TRIM2: variants seen among roughly 807,000 people sequenced by gnomAD.
TRIM2 encodes tripartite motif-containing protein 2.
In TRIM2, 20 loss-of-function variants were observed where a neutral mutation model predicts 75.2. The ratio of observed to expected loss-of-function variants is 0.27; its 90% confidence interval spans 0.19 to 0.39. The LOEUF is 0.39. Among genes scored for constraint, TRIM2 ranks in the 10% least tolerant of loss-of-function variants. The probability of loss-of-function intolerance (pLI) is 1.00; values close to 1 mark genes in which losing one functional copy is unlikely to be tolerated. For missense variants in TRIM2, 660 were observed against 990.8 expected, an observed-to-expected ratio of 0.67 and a Z score of 4.48; for synonymous variants, 373 against 388.3, an observed-to-expected ratio of 0.96 and a Z score of 0.46.
intron 1 of TRIM2, among the ~76,000 whole-genome samples, chr4:153,166,280 ACTT>A (rs140582593): frequency 5.9e-5 from 9 of 151,794 alleles, no homozygotes; most frequent in East Asian, 3.9e-4. Flanking sequence ...TTTGTTTCAG[ACTT>A]CTTATTTTCA....
chr4:153,241,097 AAAC>A (rs1244224261), intron 1 of TRIM2, among the ~76,000 whole-genome samples: 1 of 152,140 alleles, frequency 6.6e-6, no homozygotes, highest in Admixed American at 6.5e-5. Flanking sequence ...ACAAACAAAA[AAAC>A]CTTTTCCTGT....
intron 1 of TRIM2, among the ~76,000 whole-genome samples, chr4:153,251,315 A>G (rs1156591519): frequency 6.6e-6 from 1 of 152,160 alleles, no homozygotes; most frequent in Non-Finnish European, 1.5e-5. Context: ...AACTGACTAC[A>G]GAGAGTCTGG....
chr4:153,169,069 A>G (rs1730586588), intron 1 of TRIM2, among the ~76,000 whole-genome samples: 1 of 149,206 alleles, frequency 6.7e-6, no homozygotes. Flanking sequence ...ACAGAGCGAG[A>G]CTTATCTCAA....
At chr4:153,280,330 C>T (rs1417580027) in intron 3 of TRIM2, among the ~76,000 whole-genome samples, 1 of 150,074 alleles carries the variant, frequency 6.7e-6, no homozygotes, top group East Asian at 1.9e-4. Flanking sequence ...TCATTAGTAG[C>T]TTAATTAATG....
At chr4:153,281,102 T>C (rs1179661445) in intron 3 of TRIM2, among the ~76,000 whole-genome samples, 1 of 152,220 alleles carries the variant, frequency 6.6e-6, no homozygotes, top group African/African-American at 2.4e-5. Flanking sequence ...AAAAATCATT[T>C]ATGGAAAAAT....
At chr4:153,253,315 G>A (rs1031321697) in intron 1 of TRIM2, among the ~76,000 whole-genome samples, 22 of 152,060 alleles carry the variant, frequency 1.4e-4, no homozygotes, top group Admixed American at 6.6e-4. Flanking sequence ...TACTTTTAAC[G>A]TACTCTCCCA....
chr4:153,307,468 TA>T (rs1661823015), intron 6 of TRIM2, among the ~76,000 whole-genome samples: 1 of 152,196 alleles, frequency 6.6e-6, no homozygotes, highest in African/African-American at 2.4e-5. Context: ...TACTTGTTTC[TA>T]AAGTACAAAT....
intron 1 of TRIM2, among the ~76,000 whole-genome samples, chr4:153,183,619 G>T (rs780258289): frequency 6.6e-5 from 10 of 152,176 alleles, no homozygotes; most frequent in Non-Finnish European, 1.0e-4. Context: ...GCATGGTTGT[G>T]CAGGGATGAG....
chr4:153,237,275 ATTG>A (rs1745278527), intron 1 of TRIM2, among the ~76,000 whole-genome samples: 1 of 152,168 alleles, frequency 6.6e-6, no homozygotes. Context: ...TTATAACCAC[ATTG>A]TTGTAGGCAT....
chr4:153,316,895 T>G (rs1045160823), intron 8 of TRIM2, among the ~76,000 whole-genome samples: 2 of 141,210 alleles, frequency 1.4e-5, no homozygotes, highest in African/African-American at 5.4e-5. Context: ...TTTTTTTTTT[T>G]TTTGAGACGG....
intron 1 of TRIM2, among the ~76,000 whole-genome samples, chr4:153,259,597 C>T (rs1752911295): frequency 6.6e-6 from 1 of 152,174 alleles, no homozygotes; most frequent in Admixed American, 6.5e-5. Context: ...AAAAATATGA[C>T]TTCAATTACT....
Position 153,295,917 on chromosome 4 carries a change from G to A in TRIM2, c.1391G>A (p.Arg464His), listed in dbSNP as rs1235210272. ...VSPTTEGVKR[R>H]VKSPGSGHVK... ...CCCACCACAGAAGGCGTGAAGAGGC[G>A]CGTTAAGTCCCCGGGGAGCGGCCAC... Residue 464 changes from arginine to histidine, a missense_variant, in exon 6 of 12, where the codon CGC becomes CAC. Arg to His is a conservative substitution (Grantham distance 29). This residue lies in a region of TRIM2 where 620 missense variants were observed against 891.0 expected (regional missense o/e 0.70). Transcript: ENST00000338700. This position sits in a 1 kb window ranked among gnomAD's most constrained non-coding sequence, Gnocchi z 7.2. 1.1e-5 allele frequency: 17 copies of A among 1,609,280 alleles called. No homozygotes were observed. The highest frequency in any genetic ancestry group is 1.7e-5 in the Admixed American group (1 of 59,320).
chr4:153,170,358 G>A (rs1394331071), intron 1 of TRIM2, among the ~76,000 whole-genome samples: 3 of 152,080 alleles, frequency 2.0e-5, no homozygotes, highest in Non-Finnish European at 4.4e-5. Flanking sequence ...TAATTGTCTG[G>A]TATCCCTTGA....
At position 153,162,969 on chromosome 4, in the gene TRIM2, C is replaced by A. The variant is rs575729316; in HGVS notation, c.-49+9699C>A. ...AACTGAGGGTGAAAAGGGTGTCTTTCTAAGAGGTAAGATTTTTTGGAAGTG... is the reference window on the plus strand; with the variant it reads ...AACTGAGGGTGAAAAGGGTGTCTTTATAAGAGGTAAGATTTTTTGGAAGTG... On this transcript the variant is annotated intron_variant, in intron 1 of 11. Coordinates refer to the TRIM2 transcript ENST00000437508. 9.2e-5 allele frequency among the ~76,000 whole-genome samples: 14 copies of A among 152,250 alleles called. No individual in the cohort carries two copies. In the East Asian group the frequency reaches 2.7e-3, roughly 29 times the overall value.
At chr4:153,221,991 A>G (rs951773704) in intron 1 of TRIM2, among the ~76,000 whole-genome samples, 4,241 of 44,428 alleles carry the variant, frequency 0.095, 70 homozygotes, top group South Asian at 0.2. Context: ...AGGAAGGGAG[A>G]GAGGAAGGAA....
chr4:153,247,717 T>G (rs1749652568), intron 1 of TRIM2, among the ~76,000 whole-genome samples: 1 of 150,174 alleles, frequency 6.7e-6, no homozygotes, highest in South Asian at 2.1e-4. Context: ...TAGGCATATC[T>G]CTTCTGATTT....
At chr4:153,331,142 G>C (rs1481927941) in intron 11 of TRIM2, among the ~76,000 whole-genome samples, 1 of 152,026 alleles carries the variant, frequency 6.6e-6, no homozygotes, top group East Asian at 1.9e-4. Context: ...GGCAACACAG[G>C]ACGACACTAT....
At chr4:153,164,499 T>C (rs975612234) in intron 1 of TRIM2, among the ~76,000 whole-genome samples, 5 of 152,218 alleles carry the variant, frequency 3.3e-5, no homozygotes, top group African/African-American at 7.2e-5. Flanking sequence ...TTCTGTTACA[T>C]TTTTCATTCT....
chr4:153,207,849 T>C (rs1735904469), intron 1 of TRIM2, among the ~76,000 whole-genome samples: 1 of 152,232 alleles, frequency 6.6e-6, no homozygotes, highest in Non-Finnish European at 1.5e-5. Context: ...AGCTTCTGTC[T>C]ATGACTTTAG....
Sources: gnomAD v4.1 joint callset for allele counts (sites outside exome capture counted in the v4.1 genomes callset) on GRCh38, gnomAD v4.1.1 for gene constraint, gnomAD v4.1.1 regional missense constraint, Gnocchi (gnomAD v3.1) non-coding constraint, MANE v1.5 for transcripts, NCBI Gene and HGNC (gene_info 2026-07-23, HGNC 2026-07-21) for gene names.